The following ZNF426 variants were observed in gnomAD, a reference collection of about 807,000 sequenced individuals.
ZNF426 encodes zinc finger protein 426, also known as CTC-543D15.7.
In ZNF426, 23 loss-of-function variants were observed where a neutral mutation model predicts 24.0. That is an observed-to-expected ratio of 0.96 (90% confidence interval 0.69 to 1.36). The LOEUF (loss-of-function observed/expected upper bound fraction) is 1.36, where lower values mean the gene tolerates loss of function less well. ZNF426 is among the 40% of genes most tolerant of loss of function. ZNF426 has a pLI of 0.00. For synonymous variants in ZNF426, 272 were observed against 224.6 expected (o/e 1.21, Z -1.89); for missense variants, 646 against 658.4 (o/e 0.98, Z 0.21).
At chr19:9,534,831 G>A (rs900614059) in intron 4 of ZNF426, among the ~76,000 whole-genome samples, 3 of 152,012 alleles carry the variant, frequency 2.0e-5, no homozygotes, top group African/African-American at 4.8e-5. Flanking sequence ...CTGTACTCAA[G>A]CAATCTGCCT....
Position 9,529,222 on chromosome 19 carries a change from T to C in ZNF426, c.823A>G (p.Asn275Asp). ...TSLSVLIETL[N>D]AKKPYKCKEC... ...TTACATTTGTAGGGCTTTTTTGCAT[T>C]GAGGGTTTCTATAAGCACAGAAAGG... is the stretch of plus-strand genomic sequence containing the variant. Residue 275 changes from asparagine to aspartate, a missense_variant, in exon 8 of 8, where the codon AAT becomes GAT. By Grantham distance (23) the Asn-to-Asp change is conservative. Coordinates refer to ENST00000253115, the MANE Select transcript of ZNF426 (RefSeq NM_024106.3). 3 of 1,614,094 alleles carry C rather than the reference T, an allele frequency of 1.9e-6. No individual in the cohort carries two copies. The highest frequency in any genetic ancestry group is 2.2e-5 in the East Asian group (1 of 44,886).
rs1252266651 is a variant in ZNF426 at position 9,528,858 on chromosome 19, T to C, written c.1187A>G (p.Glu396Gly). The C allele has an allele frequency of 6.2e-7, 1 of 1,614,184 alleles. No homozygotes were observed. Among genetic ancestry groups the C allele is most frequent in the Non-Finnish European group, 8.5e-7 (1 of 1,180,020 alleles). ...HTGEKPFVCV[E>G]CGKAFAVSSN... ...GGAAACTGCAAAGGCTTTCCCACAT[T>C]CAACACATACAAAAGGCTTCTCTCC... Residue 396 changes from glutamate (E) to glycine (G), a missense_variant, in exon 8 of 8, where the codon GAA becomes GGA. Transcript: ENST00000253115.
intron 2 of ZNF426, chr19:9,536,645 C>G: frequency 3.9e-6 from 1 of 256,596 alleles, no homozygotes; most frequent in Non-Finnish European, 7.7e-6. Flanking sequence ...AATAATCTCA[C>G]AATACACTTT....
rs930423258 is a variant in ZNF426, at chr19:9,526,325, A to C, written c.*2055T>G. The C allele has an allele frequency of 6.6e-6, 1 of 152,108 alleles. No individual in the cohort carries two copies. The highest frequency in any genetic ancestry group is 2.4e-5 in the African/African-American group (1 of 41,414). 9.4% of individuals were successfully genotyped at this position (152,108 alleles called of 1,614,324 possible). On this transcript the variant is annotated 3_prime_UTR_variant, in exon 8 of 8. Transcript: ENST00000253115. ...ATATAGCAGGATTGCTGAAATTATCAGACTGGGAATTTAAAACAATTATGA... is the reference window on the plus strand; with the variant it reads ...ATATAGCAGGATTGCTGAAATTATCCGACTGGGAATTTAAAACAATTATGA...
chr19:9,534,101 C>T, intron 4 of ZNF426, 135 bp from the exon 5 acceptor site: 4 of 1,184,822 alleles, frequency 3.4e-6, no homozygotes, highest in South Asian at 1.6e-5. Flanking sequence ...TTTAAGGGTC[C>T]TAGAAACTCC....
intron 1 of ZNF426, 89 bp from the exon 2 acceptor site, chr19:9,538,434 AACCCGAC>A (rs1411726013): frequency 1.3e-5 from 2 of 152,284 alleles, no homozygotes; most frequent in East Asian, 3.9e-4. Context: ...CGTAACTATA[AACCCGAC>A]TCCTCCCGAG....
Position 9,529,280 on chromosome 19 carries a change from C to T in ZNF426, c.765G>A (p.Arg255=). 2 of 1,613,784 alleles carry T rather than the reference C, an allele frequency of 1.2e-6. No individual in the cohort carries two copies. The highest frequency in any genetic ancestry group is 2.2e-5 in the South Asian group (2 of 90,978). Residue 255 remains arginine (R), a synonymous_variant, in exon 8 of 8, where the codon AGG becomes AGA. Transcript: ENST00000253115. ...THNGEKLYEW[R]NYGPGFIDST... ...AGTCAATAAAACCTGGCCCATAATTCCTCCATTCGTAGAGTTTTTCTCCAT... is the reference window on the plus strand; with the variant it reads ...AGTCAATAAAACCTGGCCCATAATTTCTCCATTCGTAGAGTTTTTCTCCAT...
At chr19:9,534,375 T>G (rs909367333) in intron 4 of ZNF426, among the ~76,000 whole-genome samples, 4 of 151,028 alleles carry the variant, frequency 2.6e-5, no homozygotes, top group African/African-American at 9.7e-5. Flanking sequence ...CCGGCTAATT[T>G]TTTGTATTTT....
rs551784538 is a variant in ZNF426, at chr19:9,526,840, G to C, written c.*1540C>G. The C allele has an allele frequency of 6.6e-6, 1 of 152,042 alleles. No homozygotes were observed. Among genetic ancestry groups the C allele is most frequent in the East Asian group, 1.9e-4 (1 of 5,188 alleles). The allele number at this position is 152,042 out of a possible 1,614,324, so 9.4% of individuals were successfully genotyped here. On this transcript the variant is annotated 3_prime_UTR_variant, in exon 8 of 8. Coordinates refer to ENST00000253115, the MANE Select transcript of ZNF426 (RefSeq NM_024106.3). The stretch of plus-strand genomic sequence containing the variant: ...AAAATTTTCATAGAAGCCAGAGGGG[G>C]GGAAATGCTTTAAGTATTGAGGATC...
chr19:9,533,999 A>G (rs966174679), intron 4 of ZNF426, 33 bp from the exon 5 acceptor site: 1 of 1,606,806 alleles, frequency 6.2e-7, no homozygotes, highest in African/African-American at 1.3e-5. Flanking sequence ...GTTGGAGCCA[A>G]GTAACAAGCC....
At chr19:9,533,723 G>T in intron 5 of ZNF426, 117 bp downstream of exon 5, 1 of 1,411,052 alleles carries the variant, frequency 7.1e-7, no homozygotes, top group South Asian at 1.2e-5. Context: ...TTAGGACAGG[G>T]ACTATGTCTC....
In ZNF426 at chr19:9,529,030, T is replaced by C. The variant is rs1329390935; in HGVS notation, c.1015A>G (p.Lys339Glu). The change falls in exon 8 of 8, where the codon AAG becomes GAG. Residue 339 changes from lysine to glutamate, a missense_variant. By Grantham distance (56) the Lys-to-Glu change is moderately conservative (BLOSUM62 1). Coordinates refer to ENST00000253115, the MANE Select transcript of ZNF426 (RefSeq NM_024106.3). ...THTGEKPYVC[K>E]ECGKAFTQYS... ...TGAGTGAAGGCTTTCCCACATTCCT[T>C]ACATACATAGGGTTTCTCTCCAGTG... 6.2e-7 allele frequency: 1 copy of C among 1,613,532 alleles called. No homozygotes were observed. Among genetic ancestry groups the C allele is most frequent in the African/African-American group, 1.3e-5 (1 of 74,888 alleles).
At position 9,529,467 on chromosome 19, in the gene ZNF426, C is replaced by G. The variant is rs573697100; in HGVS notation, c.578G>C (p.Gly193Ala). The G allele has an allele frequency of 6.2e-7, 1 of 1,614,050 alleles. No homozygotes were observed. The change falls in exon 8 of 8, where the codon GGT becomes GCT. Residue 193 changes from glycine to alanine, a missense_variant. Transcript: ENST00000253115. ...FLTLCEKTSTGEKLSEFNQSE... is the reference protein window; with the variant it reads ...FLTLCEKTSTAEKLSEFNQSE... Reference sequence around the variant, plus strand: ...CTGATTAAACTCAGAAAGTTTCTCACCAGTAGAGGTTTTCTCACACAGGGT... The same window carrying G: ...CTGATTAAACTCAGAAAGTTTCTCAGCAGTAGAGGTTTTCTCACACAGGGT...
rs143966130 is a variant in ZNF426, at chr19:9,531,604, T to C, written c.326-537A>G. Among the ~76,000 whole-genome samples the C allele has an allele frequency of 1.1e-4, 17 of 152,228 alleles. No homozygotes were observed. The East Asian group carries it at 2.1e-3, about 19-fold the overall frequency. On this transcript the variant is annotated intron_variant, in intron 6 of 7. Coordinates refer to ENST00000253115, the MANE Select transcript of ZNF426 (RefSeq NM_024106.3). ...AAACTTTTCGATCGTTTATTACAAA[T>C]TGATGCTATGAAAATTAAAACTGAT...
intron 3 of ZNF426, among the ~76,000 whole-genome samples, chr19:9,535,564 C>T (rs892193641): frequency 6.6e-6 from 1 of 152,120 alleles, no homozygotes; most frequent in African/African-American, 2.4e-5. Flanking sequence ...TAACACACAC[C>T]TGTAGTCCCA....
Position 9,526,760 on chromosome 19 carries a change from A to G in ZNF426, c.*1620T>C, listed in dbSNP as rs939063473. Reference sequence around the variant, plus strand: ...GCAAACACCAAGAAGGACGAGCACCAAAAACCTATACCTAGGCATATCATT... The same window carrying G: ...GCAAACACCAAGAAGGACGAGCACCGAAAACCTATACCTAGGCATATCATT... On this transcript the variant is annotated 3_prime_UTR_variant, in exon 8 of 8. Coordinates refer to ENST00000253115, the MANE Select transcript of ZNF426 (RefSeq NM_024106.3). The G allele has an allele frequency of 3.9e-5, 6 of 152,194 alleles. No homozygotes were observed. The highest frequency in any genetic ancestry group is 1.4e-4 in the African/African-American group (6 of 41,454). 9.4% of individuals were successfully genotyped at this position (152,194 alleles called of 1,614,324 possible).
Position 9,529,247 on chromosome 19 carries a change from G to T in ZNF426, c.798C>A (p.Ser266Arg). 1 of 1,613,752 alleles carries T rather than the reference G, an allele frequency of 6.2e-7. No homozygotes were observed. ...TGAGGGTTTCTATAAGCACAGAAAGGCTTGTAGAGTCAATAAAACCTGGCC... is the reference window on the plus strand; with the variant it reads ...TGAGGGTTTCTATAAGCACAGAAAGTCTTGTAGAGTCAATAAAACCTGGCC... ...NYGPGFIDST[S>R]LSVLIETLNA... The change falls in exon 8 of 8, where the codon AGC becomes AGA. Residue 266 changes from serine to arginine, a missense_variant. Coordinates refer to ENST00000253115, the MANE Select transcript of ZNF426 (RefSeq NM_024106.3).
Position 9,523,345 on chromosome 19 carries a change from T to C in ZNF426, c.*5035A>G, listed in dbSNP as rs1223289782. 6.6e-6 allele frequency: 1 copy of C among 152,126 alleles called. No homozygotes were observed. The highest frequency in any genetic ancestry group is 2.0e-4 in the East Asian group (1 of 5,128). 9.4% of individuals were successfully genotyped at this position (152,126 alleles called of 1,614,324 possible). A position where few individuals can be genotyped will look rare whatever the true frequency, so the allele number is the denominator to read the frequency against. ...AAAAGAAGGATCTCCTCCAGGAATC[T>C]CTCTTTGCCTTGAAGGTAACCATTT... On this transcript the variant is annotated 3_prime_UTR_variant, in exon 8 of 8. Transcript: ENST00000253115.
intron 7 of ZNF426, among the ~76,000 whole-genome samples, chr19:9,530,153 C>T (rs984040407): frequency 6.6e-6 from 1 of 151,940 alleles, no homozygotes; most frequent in Non-Finnish European, 1.5e-5. Context: ...TAACAGATTT[C>T]TGTAGAATTC....
Sources: allele counts gnomAD v4.1 joint callset (sites outside exome capture counted in the v4.1 genomes callset), GRCh38; gene constraint gnomAD v4.1.1; transcripts MANE v1.5; gene names NCBI Gene and HGNC (gene_info 2026-07-23, HGNC 2026-07-21).